The following CHMP2B variants were observed in gnomAD, a reference collection of about 807,000 sequenced individuals.
CHMP2B encodes charged multivesicular body protein 2B, also known as VPS2 homolog B.
A neutral mutation model predicts 29.8 loss-of-function variants in CHMP2B; 22 were observed. The ratio of observed to expected loss-of-function variants is 0.74; its 90% CI spans 0.53 to 1.05. CHMP2B has a LOEUF of 1.05. Among genes scored for constraint, CHMP2B ranks in the 50% least tolerant of loss-of-function variants. CHMP2B has a pLI of 0.00. For synonymous variants in CHMP2B, 78 were observed against 75.8 expected (o/e 1.03, Z -0.15); for missense variants, 261 against 252.2 (o/e 1.03, Z -0.24).
intron 1 of CHMP2B, among the ~76,000 whole-genome samples, chr3:87,239,255 A>T (rs1706070929): frequency 6.6e-6 from 1 of 151,566 alleles, no homozygotes; most frequent in Non-Finnish European, 1.5e-5. Context: ...TTTAATGCAT[A>T]AAATTTTTAA....
chr3:87,245,741 AT>A lies in CHMP2B; in HGVS notation c.156del (p.Ile52MetfsTer10). The A allele has an allele frequency of 6.2e-7, 1 of 1,613,614 alleles. No individual in the cohort carries two copies. Among genetic ancestry groups the A allele is most frequent in the Non-Finnish European group, 8.5e-7 (1 of 1,179,800 alleles). On this transcript the variant is annotated frameshift_variant, in exon 3 of 6. Coordinates refer to ENST00000263780, the MANE Select transcript of CHMP2B (RefSeq NM_014043.4). LOFTEE classifies it high-confidence loss of function. ...LELEIKKMAK[I>X]GNKEACKVLA... ...ATTAGAAATTAAGAAAATGGCCAAG[AT>A]TGGTAATAAGGAAGCTTGCAAAGTT...
intron 2 of CHMP2B, among the ~76,000 whole-genome samples, chr3:87,242,216 A>G (rs886293023): frequency 1.1e-4 from 17 of 152,124 alleles, no homozygotes; most frequent in African/African-American, 4.1e-4. Flanking sequence ...TGTTGTACAA[A>G]TATTATTTCC....
rs758354665 is a variant in CHMP2B at position 87,253,444 on chromosome 3, C to T, written c.465C>T (p.Asp155=). Residue 155 remains aspartate, a synonymous_variant, in exon 5 of 6, where the codon GAC becomes GAT. Transcript: ENST00000263780. ...ATGACATCTTTGACGGTTCTGATGA[C>T]GAAGAAGAAAGCCAGGATATTGTGA... ...TLDDIFDGSD[D]EEESQDIVNQ... The T allele has an allele frequency of 9.3e-6, 15 of 1,611,510 alleles. No homozygotes were observed. Among genetic ancestry groups the T allele is most frequent in the Non-Finnish European group, 1.2e-5 (14 of 1,178,102 alleles).
At chr3:87,231,505 G>C (rs1488547708) in intron 1 of CHMP2B, among the ~76,000 whole-genome samples, 1 of 152,004 alleles carries the variant, frequency 6.6e-6, no homozygotes, top group Non-Finnish European at 1.5e-5. Flanking sequence ...CCACAAAGTT[G>C]GGTATGTGAT....
rs73847811 is a variant in CHMP2B, at chr3:87,229,902, T to C, written c.34+2346T>C. Among the ~76,000 whole-genome samples the C allele has an allele frequency of 3.8e-3, 585 of 152,302 alleles. 3 individuals are homozygous for C. The highest frequency in any genetic ancestry group is 0.013 in the African/African-American group (553 of 41,588). On this transcript the variant is annotated intron_variant, in intron 1 of 5. Coordinates refer to ENST00000263780, the MANE Select transcript of CHMP2B (RefSeq NM_014043.4). ...CAGCACTTATTACTATTCAGAGTTA[T>C]GTTTAATTCATTTTGACACAAAGAT...
At chr3:87,228,454 C>T (rs1243080789) in intron 1 of CHMP2B, among the ~76,000 whole-genome samples, 1 of 152,198 alleles carries the variant, frequency 6.6e-6, no homozygotes, top group Non-Finnish European at 1.5e-5. Flanking sequence ...CAAAGAATCA[C>T]TTCTTTGTAA....
intron 4 of CHMP2B, among the ~76,000 whole-genome samples, chr3:87,251,723 A>C (rs1358449844): frequency 6.6e-6 from 1 of 152,022 alleles, no homozygotes; most frequent in Non-Finnish European, 1.5e-5. Context: ...CAGTTAAGAC[A>C]CAAGATCGTT....
chr3:87,236,369 G>A (rs1396323864), intron 1 of CHMP2B, among the ~76,000 whole-genome samples: 5 of 152,010 alleles, frequency 3.3e-5, no homozygotes, highest in African/African-American at 1.2e-4. Flanking sequence ...TCTGTGCCAG[G>A]CACCCAGGAT....
chr3:87,227,750 G>C (rs1326981587), intron 1 of CHMP2B, among the ~76,000 whole-genome samples, 194 bp downstream of exon 1: 11 of 152,226 alleles, frequency 7.2e-5, no homozygotes, highest in Non-Finnish European at 7.3e-5. Context: ...GCTCACCTAG[G>C]CAGTCTGGTT....
chr3:87,243,477 T>C (rs1288335143), intron 2 of CHMP2B, among the ~76,000 whole-genome samples: 5 of 152,056 alleles, frequency 3.3e-5, no homozygotes, highest in Non-Finnish European at 5.9e-5. Flanking sequence ...GATTTTGATA[T>C]CAGGGTAATA....
intron 2 of CHMP2B, among the ~76,000 whole-genome samples, chr3:87,242,556 A>G (rs1250026527): frequency 6.6e-6 from 1 of 152,128 alleles, no homozygotes; most frequent in African/African-American, 2.4e-5. Flanking sequence ...ATAGTCAGTA[A>G]TATTTTCTCC....
intron 4 of CHMP2B, among the ~76,000 whole-genome samples, chr3:87,251,218 T>C (rs1249823802): frequency 6.6e-6 from 1 of 151,920 alleles, no homozygotes; most frequent in African/African-American, 2.4e-5. Flanking sequence ...ACTGTATGTT[T>C]ATCTTTGGCA....
At chr3:87,228,892 C>T (rs1203781687) in intron 1 of CHMP2B, among the ~76,000 whole-genome samples, 2 of 151,896 alleles carry the variant, frequency 1.3e-5, no homozygotes, top group Non-Finnish European at 2.9e-5. Flanking sequence ...GTTTTAGCTG[C>T]CACTGTTGTG....
chr3:87,239,643 A>G (rs940421729), intron 1 of CHMP2B, among the ~76,000 whole-genome samples: 14 of 152,310 alleles, frequency 9.2e-5, no homozygotes, highest in South Asian at 4.1e-4. Flanking sequence ...CTTGCTATCT[A>G]TGTGGCTTTG....
chr3:87,248,992 G>T (rs1326319150), intron 3 of CHMP2B, among the ~76,000 whole-genome samples: 1 of 152,054 alleles, frequency 6.6e-6, no homozygotes, highest in Non-Finnish European at 1.5e-5. Context: ...TAACAATAGG[G>T]ATACATTCTG....
chr3:87,255,475 A>G lies in CHMP2B; in HGVS notation c.*1653A>G, dbSNP rs183760081. 1.3e-3 allele frequency: 196 copies of G among 152,426 alleles called. No individual in the cohort carries two copies. The highest frequency in any genetic ancestry group is 4.5e-3 in the African/African-American group (186 of 41,498). 9.4% of individuals were successfully genotyped at this position (152,426 alleles called of 1,614,324 possible). On this transcript the variant is annotated 3_prime_UTR_variant, in exon 6 of 6. Transcript: ENST00000263780. ...ATTTTGTTAAAAAATCTCAATAAAGATTTATTATTGTTGTTCTTTTCTTAC... is the reference window on the plus strand; with the variant it reads ...ATTTTGTTAAAAAATCTCAATAAAGGTTTATTATTGTTGTTCTTTTCTTAC...
Position 87,227,388 on chromosome 3 carries a change from C to A in CHMP2B, c.-135C>A. 1.0e-6 allele frequency: 1 copy of A among 964,708 alleles called. No individual in the cohort carries two copies. Among genetic ancestry groups the A allele is most frequent in the Non-Finnish European group, 1.6e-6 (1 of 606,754 alleles). The allele number at this position is 964,708 out of a possible 1,614,324, so 59.8% of individuals were successfully genotyped here. A position where few individuals can be genotyped will look rare whatever the true frequency, so the allele number is the denominator to read the frequency against. On this transcript the variant is annotated 5_prime_UTR_variant, in exon 1 of 6. Coordinates refer to ENST00000263780, the MANE Select transcript of CHMP2B (RefSeq NM_014043.4). Reference sequence around the variant, plus strand: ...CAAGCCTTCCGCGGGTCCTGCCTGGCGACCCCGACCTCCTCCTGCTGTCTC... The same window carrying A: ...CAAGCCTTCCGCGGGTCCTGCCTGGAGACCCCGACCTCCTCCTGCTGTCTC...
intron 4 of CHMP2B, among the ~76,000 whole-genome samples, chr3:87,251,764 A>G (rs1330714642): frequency 4.6e-5 from 7 of 151,920 alleles, no homozygotes; most frequent in African/African-American, 1.7e-4. Flanking sequence ...TCTGATGAGC[A>G]TTATTACACT....
At chr3:87,248,710 T>C (rs1706260814) in intron 3 of CHMP2B, among the ~76,000 whole-genome samples, 1 of 150,094 alleles carries the variant, frequency 6.7e-6, no homozygotes, top group African/African-American at 2.4e-5. Context: ...AGCTTTTAGC[T>C]AAATTTAACA....
Sources: gnomAD v4.1 joint callset for allele counts (sites outside exome capture counted in the v4.1 genomes callset) on GRCh38, gnomAD v4.1.1 for gene constraint, MANE v1.5 for transcripts, NCBI Gene and HGNC (gene_info 2026-07-23, HGNC 2026-07-21) for gene names.